EPSTI1: variants seen among roughly 807,000 people sequenced by gnomAD.
EPSTI1 encodes epithelial stromal interaction 1.
In EPSTI1, 66 loss-of-function variants were observed where a neutral mutation model predicts 49.9. The observed-to-expected ratio is 1.32, with a 90% CI of 1.08 to 1.62. The LOEUF (loss-of-function observed/expected upper bound fraction) is 1.62, where lower values mean the gene tolerates loss of function less well. Ranked by LOEUF, EPSTI1 falls within the 40% of genes most tolerant of loss-of-function variation. The probability of loss-of-function intolerance (pLI) is 0.00; values close to 1 mark genes in which losing one functional copy is unlikely to be tolerated. For missense variants in EPSTI1, 394 were observed against 365.5 expected, an observed-to-expected ratio of 1.08 and a Z score of -0.64; for synonymous variants, 137 against 130.7, an observed-to-expected ratio of 1.05 and a Z score of -0.33.
At chr13:42,916,430 G>A (rs2037833472) in intron 8 of EPSTI1, among the ~76,000 whole-genome samples, 1 of 152,144 alleles carries the variant, frequency 6.6e-6, no homozygotes, top group East Asian at 1.9e-4. Flanking sequence ...TATACCATAT[G>A]CTGGGCGAAA....
chr13:42,972,774 G>T (rs955296202), intron 1 of EPSTI1, among the ~76,000 whole-genome samples: 2 of 152,074 alleles, frequency 1.3e-5, no homozygotes, highest in African/African-American at 2.4e-5. Context: ...TTACACTTTA[G>T]TTAGGAACAA....
intron 6 of EPSTI1, chr13:42,934,595 T>G (rs1390606873): frequency 6.6e-6 from 1 of 151,204 alleles, no homozygotes; most frequent in East Asian, 1.9e-4. Context: ...GTTCCTGACC[T>G]TTCTAACAAT....
At chr13:42,974,359 A>AAAAAG (rs1404081848) in intron 1 of EPSTI1, among the ~76,000 whole-genome samples, 1 of 150,690 alleles carries the variant, frequency 6.6e-6, no homozygotes, top group Non-Finnish European at 1.5e-5. Context: ...AAAGAAAAAG[A>AAAAAG]AAAGAAATGT....
At chr13:42,942,461 T>A (rs1221668810) in intron 6 of EPSTI1, among the ~76,000 whole-genome samples, 1 of 152,120 alleles carries the variant, frequency 6.6e-6, no homozygotes, top group Non-Finnish European at 1.5e-5. Context: ...TATCCTAATT[T>A]GTACATATAA....
chr13:42,914,515 AC>A (rs1234536928), intron 8 of EPSTI1, among the ~76,000 whole-genome samples: 3 of 152,220 alleles, frequency 2.0e-5, no homozygotes, highest in Non-Finnish European at 1.5e-5. Flanking sequence ...TTACAAAAAG[AC>A]CACCAAACTG....
At chr13:42,950,965 T>C (rs1381638266) in intron 6 of EPSTI1, among the ~76,000 whole-genome samples, 1 of 152,134 alleles carries the variant, frequency 6.6e-6, no homozygotes, top group Admixed American at 6.5e-5. Flanking sequence ...GAGACTACCC[T>C]GGCCAACATG....
At chr13:42,986,065 G>A (rs2040072495) in intron 1 of EPSTI1, among the ~76,000 whole-genome samples, 1 of 152,204 alleles carries the variant, frequency 6.6e-6, no homozygotes, top group East Asian at 1.9e-4. Flanking sequence ...TGGCAGTCCT[G>A]CAACAGCACT....
At chr13:42,943,825 A>G (rs1237336082) in intron 6 of EPSTI1, among the ~76,000 whole-genome samples, 1 of 152,244 alleles carries the variant, frequency 6.6e-6, no homozygotes, top group African/African-American at 2.4e-5. Context: ...CAAATTTACC[A>G]GAAAAAAACA....
intron 8 of EPSTI1, among the ~76,000 whole-genome samples, chr13:42,908,950 G>T (rs927778612): frequency 1.1e-4 from 16 of 150,364 alleles, no homozygotes; most frequent in African/African-American, 3.7e-4. Context: ...AAAAATAGCT[G>T]GGTGTGGTGG....
intron 3 of EPSTI1, among the ~76,000 whole-genome samples, chr13:42,968,197 T>C (rs1173126242): frequency 6.6e-6 from 1 of 152,204 alleles, no homozygotes; most frequent in African/African-American, 2.4e-5. Context: ...CGAGTCTGGC[T>C]CATTTGCACA....
chr13:42,975,793 C>T (rs2039870080), intron 1 of EPSTI1, among the ~76,000 whole-genome samples: 1 of 149,322 alleles, frequency 6.7e-6, no homozygotes. Flanking sequence ...TAAACACACA[C>T]ACACACATAA....
Position 42,963,517 on chromosome 13 carries a change from GC to G in EPSTI1, c.406-180del, listed in dbSNP as rs1157639770. On this transcript the variant is annotated intron_variant, in intron 4 of 10. Coordinates refer to ENST00000313624, the MANE Select transcript of EPSTI1 (RefSeq NM_033255.5). ...AGAGAATGGCCGGGCTACGTCTTCT[GC>G]CCGTGAAATTTCTGTCTTTGTGTTT... The G allele has an allele frequency of 6.8e-6, 4 of 584,380 alleles. No homozygotes were observed. The Admixed American group carries it at 1.3e-4, about 20-fold the overall frequency. 36.2% of individuals were successfully genotyped at this position (584,380 alleles called of 1,614,324 possible).
intron 2 of EPSTI1, chr13:42,969,939 G>A (rs1335573542): frequency 6.6e-6 from 1 of 152,204 alleles, no homozygotes; most frequent in Non-Finnish European, 1.5e-5. Context: ...TAAGATACCA[G>A]AACTGCTGGC....
intron 3 of EPSTI1, 48 bp downstream of exon 3, chr13:42,969,046 T>C (rs1261461844): frequency 1.3e-6 from 2 of 1,584,252 alleles, no homozygotes; most frequent in Admixed American, 1.7e-5. Context: ...ACAGGATCCA[T>C]AGGTGGCCCC....
At chr13:42,962,706 G>A (rs184616646) in intron 5 of EPSTI1, among the ~76,000 whole-genome samples, 1 of 151,698 alleles carries the variant, frequency 6.6e-6, no homozygotes, top group South Asian at 2.1e-4. Context: ...CCTGACCCCA[G>A]GAGACTGAGG....
chr13:42,977,966 C>T (rs915772397), intron 1 of EPSTI1, among the ~76,000 whole-genome samples: 9 of 151,968 alleles, frequency 5.9e-5, no homozygotes, highest in South Asian at 2.1e-4. Flanking sequence ...CTGGCTAACA[C>T]GGTGAAACCC....
chr13:42,896,074 G>T (rs189383929), intron 9 of EPSTI1, among the ~76,000 whole-genome samples: 133 of 152,272 alleles, frequency 8.7e-4, no homozygotes, highest in Middle Eastern at 3.4e-3. Context: ...AAAGTGAAAG[G>T]CTGGAGGGGG....
chr13:42,955,280 G>A (rs1294859549), intron 5 of EPSTI1, among the ~76,000 whole-genome samples: 1 of 152,124 alleles, frequency 6.6e-6, no homozygotes, highest in East Asian at 1.9e-4. Context: ...GGGGACTGGG[G>A]GGTCGTGGTG....
At chr13:42,965,768 T>TCCTCTC (rs1555268067) in intron 3 of EPSTI1, among the ~76,000 whole-genome samples, 200 of 3,386 alleles carry the variant, frequency 0.059, 60 homozygotes, top group Non-Finnish European at 0.15. Context: ...TCCCTCTCCC[T>TCCTCTC]CCTCTCCCTC....
Sources: gnomAD v4.1 joint callset for allele counts (sites outside exome capture counted in the v4.1 genomes callset) on GRCh38, gnomAD v4.1.1 for gene constraint, MANE v1.5 for transcripts, NCBI Gene and HGNC (gene_info 2026-07-23, HGNC 2026-07-21) for gene names.